Variants in IQCJ observed in about 807,000 individuals in gnomAD.
The protein encoded by IQCJ is IQ motif containing J.
IQCJ carries 9 observed loss-of-function variants against 11.0 expected under a neutral mutation model. The observed-to-expected ratio is 0.82, with a 90% CI of 0.49 to 1.43. The LOEUF (loss-of-function observed/expected upper bound fraction) is 1.43. Ranked by LOEUF, IQCJ falls within the 40% of genes most tolerant of loss-of-function variation. The pLI is 0.00. For synonymous variants in IQCJ, 55 were observed against 51.3 expected, an observed-to-expected ratio of 1.07 and a Z score of -0.31; for missense variants, 146 against 133.2, an observed-to-expected ratio of 1.10 and a Z score of -0.47.
At chr3:159,200,837 G>A (rs1041414889) in intron 1 of IQCJ, among the ~76,000 whole-genome samples, 1 of 152,144 alleles carries the variant, frequency 6.6e-6, no homozygotes, top group African/African-American at 2.4e-5. Context: ...GGACAGATGA[G>A]GGGAGAAGGC....
At chr3:159,217,612 C>T (rs886692030) in intron 1 of IQCJ, among the ~76,000 whole-genome samples, 4 of 152,134 alleles carry the variant, frequency 2.6e-5, no homozygotes, top group Admixed American at 1.3e-4. Context: ...AGGTACTCTC[C>T]TTCCTGTACA....
chr3:159,263,577 T>G lies in IQCJ; in HGVS notation c.*846T>G. 1.0e-6 allele frequency: 1 copy of G among 985,180 alleles called. No individual in the cohort carries two copies. The highest frequency in any genetic ancestry group is 1.2e-6 in the Non-Finnish European group (1 of 829,672). The allele number at this position is 985,180 out of a possible 1,614,324, so 61.0% of individuals were successfully genotyped here. ...CTGAAAAGTTAGAGAAATGAAGTAA[T>G]TACACAAGTATATTACTTCCAAAAA... On this transcript the variant is annotated 3_prime_UTR_variant, in exon 4 of 4. Coordinates refer to ENST00000397832, the MANE Select transcript of IQCJ (RefSeq NM_001042706.3).
rs147698321 is a variant in IQCJ at position 159,071,492 on chromosome 3, C to T, written c.9+2051C>T. On this transcript the variant is annotated intron_variant, in intron 1 of 3. Coordinates refer to ENST00000397832, the MANE Select transcript of IQCJ (RefSeq NM_001042706.3). ...AAAGATTTACTAGCACCTTTTTTCACGTGCTATATATGCATAAATACATAT... is the reference window on the plus strand; with the variant it reads ...AAAGATTTACTAGCACCTTTTTTCATGTGCTATATATGCATAAATACATAT... Among the ~76,000 whole-genome samples the T allele has an allele frequency of 3.8e-3, 570 of 151,982 alleles. 3 individuals carry two copies. The highest frequency in any genetic ancestry group is 3.4e-3 in the Middle Eastern group (1 of 292).
At chr3:159,091,984 T>C (rs1304570487) in intron 1 of IQCJ, among the ~76,000 whole-genome samples, 1 of 151,756 alleles carries the variant, frequency 6.6e-6, no homozygotes, top group East Asian at 1.9e-4. Context: ...CAATGGATGC[T>C]AAAATCATTT....
intron 1 of IQCJ, among the ~76,000 whole-genome samples, chr3:159,196,637 A>G (rs1723996955): frequency 6.6e-6 from 1 of 152,200 alleles, no homozygotes; most frequent in Non-Finnish European, 1.5e-5. Context: ...GGGTCTTCCT[A>G]AGGGAGCACA....
At chr3:159,122,141 A>G (rs1719415430) in intron 1 of IQCJ, among the ~76,000 whole-genome samples, 1 of 152,116 alleles carries the variant, frequency 6.6e-6, no homozygotes, top group Non-Finnish European at 1.5e-5. Context: ...CTGTGGTAAG[A>G]TAGAGAGTTA....
chr3:159,215,840 A>G (rs916093552), intron 1 of IQCJ, among the ~76,000 whole-genome samples: 8 of 152,092 alleles, frequency 5.3e-5, no homozygotes, highest in African/African-American at 1.9e-4. Flanking sequence ...ATTTTCTCCT[A>G]CATTACACTG....
intron 1 of IQCJ, among the ~76,000 whole-genome samples, chr3:159,228,366 T>A (rs1295774212): frequency 6.6e-6 from 1 of 152,244 alleles, no homozygotes; most frequent in East Asian, 1.9e-4. Context: ...TTATCAATGT[T>A]GTTCGCCTAC....
At chr3:159,224,068 T>TA (rs201823582) in intron 1 of IQCJ, among the ~76,000 whole-genome samples, 388 of 133,950 alleles carry the variant, frequency 2.9e-3, no homozygotes, top group Admixed American at 2.9e-3. Flanking sequence ...CATTTCCCAC[T>TA]AAAAAAAAAA....
chr3:159,242,345 C>T (rs1726974174), intron 1 of IQCJ, among the ~76,000 whole-genome samples: 1 of 152,190 alleles, frequency 6.6e-6, no homozygotes, highest in African/African-American at 2.4e-5. Flanking sequence ...GTAGGTTGAT[C>T]TTGCATGACA....
intron 1 of IQCJ, among the ~76,000 whole-genome samples, chr3:159,152,947 T>G (rs1235577179): frequency 1.3e-5 from 2 of 152,166 alleles, no homozygotes; most frequent in Non-Finnish European, 2.9e-5. Context: ...GTCAGGGCCA[T>G]TTTGCACAAA....
intron 1 of IQCJ, among the ~76,000 whole-genome samples, chr3:159,135,846 T>C (rs950425141): frequency 6.6e-6 from 1 of 152,210 alleles, no homozygotes; most frequent in Non-Finnish European, 1.5e-5. Flanking sequence ...ACATTCATGC[T>C]TGGTGGGCGG....
At chr3:159,227,637 C>A (rs140030821) in intron 1 of IQCJ, among the ~76,000 whole-genome samples, 1 of 152,158 alleles carries the variant, frequency 6.6e-6, no homozygotes, top group African/African-American at 2.4e-5. Context: ...ATTAGCTAGA[C>A]GGAGCATATT....
chr3:159,155,551 A>T (rs1721470568), intron 1 of IQCJ, among the ~76,000 whole-genome samples: 1 of 152,240 alleles, frequency 6.6e-6, no homozygotes, highest in South Asian at 2.1e-4. Flanking sequence ...ATGCTTCTAA[A>T]ATATTAAGTC....
intron 1 of IQCJ, among the ~76,000 whole-genome samples, chr3:159,085,770 T>A (rs543068453): frequency 1.2e-3 from 186 of 152,060 alleles, no homozygotes; most frequent in African/African-American, 4.4e-3. Context: ...GGGTTGTTTT[T>A]TTTTTCTTGT....
intron 1 of IQCJ, among the ~76,000 whole-genome samples, chr3:159,184,431 TA>T (rs967215560): frequency 6.6e-6 from 1 of 152,204 alleles, no homozygotes; most frequent in African/African-American, 2.4e-5. Flanking sequence ...TCTCAATGTC[TA>T]AACTTATTGA....
intron 1 of IQCJ, among the ~76,000 whole-genome samples, chr3:159,213,503 C>G (rs1000395569): frequency 6.6e-6 from 1 of 152,096 alleles, no homozygotes; most frequent in African/African-American, 2.4e-5. Flanking sequence ...TGAAGCATTT[C>G]AAAACTGCAA....
intron 1 of IQCJ, among the ~76,000 whole-genome samples, chr3:159,190,014 C>T (rs1321304280): frequency 6.6e-6 from 1 of 152,144 alleles, no homozygotes; most frequent in African/African-American, 2.4e-5. Flanking sequence ...AAGAAGTGAA[C>T]CCTTAATCAT....
At chr3:159,175,943 C>T (rs897887991) in intron 1 of IQCJ, among the ~76,000 whole-genome samples, 2 of 152,178 alleles carry the variant, frequency 1.3e-5, no homozygotes, top group Non-Finnish European at 2.9e-5. Flanking sequence ...TATGGGAGTT[C>T]CAGTTGTTCC....
Sources: gnomAD v4.1 joint callset for allele counts (sites outside exome capture counted in the v4.1 genomes callset) on GRCh38, gnomAD v4.1.1 for gene constraint, MANE v1.5 for transcripts, NCBI Gene and HGNC (gene_info 2026-07-23, HGNC 2026-07-21) for gene names.